KLKB1: variants seen among roughly 807,000 people sequenced by gnomAD.
The protein encoded by KLKB1 is kallikrein B1.
KLKB1 carries 58 observed loss-of-function variants against 73.6 expected under a neutral mutation model. The observed-to-expected ratio is 0.79, with a 90% CI of 0.64 to 0.98. The LOEUF is 0.98. KLKB1 is among the 50% of genes least tolerant of loss of function. The probability of loss-of-function intolerance (pLI) is 0.00; values close to 1 mark genes in which losing one functional copy is unlikely to be tolerated. For synonymous variants in KLKB1, 280 were observed against 258.1 expected, an observed-to-expected ratio of 1.08 and a Z score of -0.81; for missense variants, 737 against 763.8, an observed-to-expected ratio of 0.96 and a Z score of 0.41.
chr4:186,215,209 A>G (rs1202236319), intron 2 of KLKB1, among the ~76,000 whole-genome samples: 1 of 151,198 alleles, frequency 6.6e-6, no homozygotes, highest in Non-Finnish European at 1.5e-5. Context: ...TTCAGATTCC[A>G]TATATAGTTT....
upstream of KLKB1, among the ~76,000 whole-genome samples, chr4:186,226,951 G>A (rs1022839036): frequency 2.6e-5 from 4 of 152,152 alleles, no homozygotes; most frequent in African/African-American, 4.8e-5. Flanking sequence ...AAGCCCCAGG[G>A]GCTGACCTGG....
upstream of KLKB1, among the ~76,000 whole-genome samples, chr4:186,221,470 A>G (rs1737031292): frequency 6.6e-6 from 1 of 151,820 alleles, no homozygotes; most frequent in South Asian, 2.1e-4. Flanking sequence ...GCATCCCATA[A>G]ATTTTCAATG....
intron 2 of KLKB1, among the ~76,000 whole-genome samples, chr4:186,214,303 C>T (rs1045666005): frequency 1.3e-5 from 2 of 152,204 alleles, no homozygotes; most frequent in African/African-American, 4.8e-5. Flanking sequence ...TCAGTGGGTC[C>T]ACCCTACTTG....
intron 2 of KLKB1, among the ~76,000 whole-genome samples, 192 bp from the exon 3 acceptor site, chr4:186,231,935 C>T (rs1737414223): frequency 6.6e-6 from 1 of 151,840 alleles, no homozygotes; most frequent in African/African-American, 2.4e-5. Flanking sequence ...ACAGAAGTAC[C>T]CAGAAAATTA....
intron 6 of KLKB1, among the ~76,000 whole-genome samples, chr4:186,248,213 A>T (rs949008596): frequency 1.3e-5 from 2 of 151,956 alleles, no homozygotes; most frequent in Admixed American, 6.6e-5. Context: ...GCGCCACTGC[A>T]CTCCAGCCTG....
intron 3 of KLKB1, among the ~76,000 whole-genome samples, chr4:186,233,737 T>TA (rs1210124294): frequency 2.0e-5 from 3 of 152,230 alleles, no homozygotes; most frequent in East Asian, 1.9e-4. Flanking sequence ...TTCCTGTACT[T>TA]AAAAAATGTG....
At chr4:186,245,429 G>A (rs1489780981) in intron 6 of KLKB1, among the ~76,000 whole-genome samples, 1 of 152,232 alleles carries the variant, frequency 6.6e-6, no homozygotes, top group Admixed American at 6.5e-5. Context: ...TTGGGCCAGA[G>A]TTCCAGGGGC....
rs145188249 is a variant in KLKB1 at position 186,254,646 on chromosome 4, A to G, written c.1372A>G (p.Thr458Ala). ...TGGCATTTTAAATCTGTCAGACATTACAAAAGATACACCTTTCTCACAAAT... is the reference window on the plus strand; with the variant it reads ...TGGCATTTTAAATCTGTCAGACATTGCAAAAGATACACCTTTCTCACAAAT... The part of the protein sequence containing the change: ...YSGILNLSDI[T>A]KDTPFSQIKE... The change falls in exon 12 of 15, where the codon ACA (threonine) becomes GCA (alanine). Residue 458 changes from threonine (T) to alanine (A), a missense_variant. By Grantham distance (58) the Thr-to-Ala change is moderately conservative (BLOSUM62 0). Transcript: ENST00000264690. The G allele has an allele frequency of 1.3e-4, 204 of 1,613,688 alleles. No individual in the cohort carries two copies. Among genetic ancestry groups the G allele is most frequent in the Non-Finnish European group, 1.6e-4 (186 of 1,179,716 alleles).
intron 2 of KLKB1, among the ~76,000 whole-genome samples, chr4:186,219,724 T>G (rs979415973): frequency 2.0e-5 from 3 of 152,058 alleles, no homozygotes; most frequent in African/African-American, 7.2e-5. Context: ...CAGGTTGTGG[T>G]TTTTTACCTG....
At chr4:186,250,743 G>T (rs992764941) in intron 7 of KLKB1, among the ~76,000 whole-genome samples, 3 of 152,116 alleles carry the variant, frequency 2.0e-5, no homozygotes, top group African/African-American at 7.2e-5. Flanking sequence ...CCACTTGCTG[G>T]CAATATAGCC....
At chr4:186,231,544 T>C (rs931164097) in intron 2 of KLKB1, among the ~76,000 whole-genome samples, 3 of 152,244 alleles carry the variant, frequency 2.0e-5, no homozygotes, top group Admixed American at 6.5e-5. Context: ...TGAGGAACAA[T>C]GTTTAGCATT....
Position 186,215,328 on chromosome 4 carries a change from CTCTT to C in KLKB1, c.201+6064_201+6067del, listed in dbSNP as rs1736863173. ...GAGTAGCCTTTCTTTCTCTTTCTTT[CTCTT>C]TCTTTCTCTTTCTTTCCTTCTTTCT... On this transcript the variant is annotated intron_variant, in intron 2 of 14. Transcript: ENST00000511608. 2.1e-5 allele frequency among the ~76,000 whole-genome samples: 3 copies of C among 139,686 alleles called. No homozygotes were observed. The Admixed American group carries it at 2.2e-4, about 10-fold the overall frequency. The allele number at this position is 139,686 out of a possible 152,430, so 91.6% of individuals were successfully genotyped here.
chr4:186,236,093 G>A (rs1737670676), intron 4 of KLKB1, among the ~76,000 whole-genome samples: 2 of 78,504 alleles, frequency 2.5e-5, no homozygotes, highest in Admixed American at 1.4e-4. Flanking sequence ...CAGCCTGGGC[G>A]ACAGAGCGAG....
At chr4:186,237,168 G>A (rs1391830361) in intron 5 of KLKB1, among the ~76,000 whole-genome samples, 2 of 151,966 alleles carry the variant, frequency 1.3e-5, no homozygotes, top group East Asian at 1.9e-4. Flanking sequence ...GCGTAATCTC[G>A]ACTCACTACA....
intron 6 of KLKB1, among the ~76,000 whole-genome samples, chr4:186,242,569 G>C (rs1181262304): frequency 1.3e-5 from 2 of 152,186 alleles, no homozygotes; most frequent in Non-Finnish European, 2.9e-5. Flanking sequence ...ATTGGTGATG[G>C]CCTGGATATG....
At chr4:186,230,757 G>A (rs1452063115) in intron 2 of KLKB1, among the ~76,000 whole-genome samples, 1 of 152,180 alleles carries the variant, frequency 6.6e-6, no homozygotes, top group Admixed American at 6.5e-5. Context: ...ACCTGCCATT[G>A]TATGCATCCT....
chr4:186,224,840 G>C (rs1216967746), upstream of KLKB1, among the ~76,000 whole-genome samples: 2 of 152,156 alleles, frequency 1.3e-5, no homozygotes, highest in Non-Finnish European at 2.9e-5. Context: ...GATATGGTTT[G>C]GCTCTGTGTC....
At position 186,252,068 on chromosome 4, in the gene KLKB1, G is replaced by A. The variant is rs1303557405; in HGVS notation, c.1196G>A (p.Trp399Ter). ...TRIVGGTNSS[W>*]GEWPWQVSLQ... Reference sequence around the variant, plus strand: ...ATTGTTGGAGGAACAAACTCTTCTTGGGGAGAGTGGCCCTGGCAGGTGAGC... The same window carrying A: ...ATTGTTGGAGGAACAAACTCTTCTTAGGGAGAGTGGCCCTGGCAGGTGAGC... Residue 399 changes from tryptophan (W) to a stop codon, truncating the protein, a stop_gained, in exon 11 of 15, where the codon TGG becomes TAG. Coordinates refer to ENST00000264690, the MANE Select transcript of KLKB1 (RefSeq NM_000892.5). LOFTEE classifies it high-confidence loss of function. The A allele has an allele frequency of 1.2e-6, 2 of 1,614,088 alleles. No individual in the cohort carries two copies. The highest frequency in any genetic ancestry group is 1.7e-6 in the Non-Finnish European group (2 of 1,180,022).
intron 2 of KLKB1, chr4:186,212,254 T>G (rs1162860466): frequency 6.6e-6 from 1 of 152,224 alleles, no homozygotes; most frequent in East Asian, 1.9e-4. Flanking sequence ...ATGAGTCCTC[T>G]GCTTCTGATT....
Sources: gnomAD v4.1 joint callset for allele counts (sites outside exome capture counted in the v4.1 genomes callset) on GRCh38, gnomAD v4.1.1 for gene constraint, MANE v1.5 for transcripts, NCBI Gene and HGNC (gene_info 2026-07-23, HGNC 2026-07-21) for gene names.